TES: variants seen among roughly 807,000 people sequenced by gnomAD.
The protein encoded by TES is testin.
Under a neutral mutation model 48.2 loss-of-function variants are expected in TES, and 41 were observed. That is an observed-to-expected ratio of 0.85 (90% CI 0.66 to 1.10). The LOEUF is 1.10. TES is among the 50% of genes least tolerant of loss of function. TES has a pLI of 0.00. For missense variants in TES, 463 were observed against 515.1 expected, an observed-to-expected ratio of 0.90 and a Z score of 0.98; for synonymous variants, 162 against 174.9, an observed-to-expected ratio of 0.93 and a Z score of 0.58.
intron 2 of TES, among the ~76,000 whole-genome samples, chr7:116,243,458 A>G (rs1449358239): frequency 2.6e-5 from 4 of 152,112 alleles, no homozygotes; most frequent in Non-Finnish European, 4.4e-5. Flanking sequence ...ATTTTTGCCA[A>G]CAGGCACAGA....
In TES at chr7:116,210,605, G is replaced by A. The variant is rs990506589; in HGVS notation, c.-103G>A. On this transcript the variant is annotated 5_prime_UTR_variant, in exon 1 of 7. Transcript: ENST00000358204. The stretch of plus-strand genomic sequence containing the variant: ...GAGTGGCTGTTGAGCGGCGCCGCGG[G>A]AGTTCCGCAGGTTTCCCGTGTTCGC... 154 of 1,202,042 alleles carry A rather than the reference G, an allele frequency of 1.3e-4. No individual in the cohort carries two copies. Among genetic ancestry groups the A allele is most frequent in the Non-Finnish European group, 1.6e-4 (147 of 938,876 alleles). 74.5% of individuals were successfully genotyped at this position (1,202,042 alleles called of 1,614,324 possible). A position where few individuals can be genotyped will look rare whatever the true frequency, so the allele number is the denominator to read the frequency against.
At position 116,252,020 on chromosome 7, in the gene TES, C is replaced by G. The variant is rs747881706; in HGVS notation, c.918+45C>G. The G allele has an allele frequency of 5.1e-6, 8 of 1,572,162 alleles. 1 individual carries two copies. In the East Asian group the frequency reaches 9.0e-5, roughly 18 times the overall value. ...CGGCATGCTGGTGCCCTCTTAGACC[C>G]TCATATGGTCCCTTTACCTAGAAGG... On this transcript the variant is annotated intron_variant, in intron 5 of 6. Coordinates refer to ENST00000358204, the MANE Select transcript of TES (RefSeq NM_015641.4).
At chr7:116,237,732 A>G (rs1799790850) in intron 2 of TES, among the ~76,000 whole-genome samples, 1 of 152,186 alleles carries the variant, frequency 6.6e-6, no homozygotes, top group Admixed American at 6.5e-5. Context: ...GAGGCTGGAA[A>G]GTTCGAGATC....
intron 6 of TES, 104 bp downstream of exon 6, chr7:116,252,580 T>A: frequency 1.3e-6 from 2 of 1,556,966 alleles, no homozygotes; most frequent in East Asian, 2.2e-5. Flanking sequence ...GCAGTCCTCC[T>A]AAGTAGAAAG....
chr7:116,251,771 C>T lies in TES; in HGVS notation c.714C>T (p.Cys238=), dbSNP rs769260691. Residue 238 remains cysteine (C), a synonymous_variant, in exon 5 of 7, where the codon TGC becomes TGT. Coordinates refer to ENST00000358204, the MANE Select transcript of TES (RefSeq NM_015641.4). ...EHKRTQYSCY[C]CKLSMKEGDP... is the part of the protein sequence containing the mutation. Reference sequence around the variant, plus strand: ...GGCTTCCCTTTCAGTCCTGCTATTGCTGCAAACTGAGTATGAAAGAAGGTG... The same window carrying T: ...GGCTTCCCTTTCAGTCCTGCTATTGTTGCAAACTGAGTATGAAAGAAGGTG... The T allele has an allele frequency of 3.7e-6, 6 of 1,614,030 alleles. No individual in the cohort carries two copies. The South Asian group carries it at 6.6e-5, about 18-fold the overall frequency.
intron 6 of TES, among the ~76,000 whole-genome samples, chr7:116,255,418 G>A (rs1235161697): frequency 6.6e-6 from 1 of 152,200 alleles, no homozygotes; most frequent in Non-Finnish European, 1.5e-5. Context: ...TGAGGAATTA[G>A]GGAACAGTAG....
intron 1 of TES, among the ~76,000 whole-genome samples, chr7:116,227,093 TTTATTTA>T (rs1799631127): frequency 2.6e-4 from 1 of 3,858 alleles, no homozygotes; most frequent in African/African-American, 8.0e-4. Context: ...TTTTATTTTA[TTTATTTA>T]TTTATTTATT....
intron 1 of TES, among the ~76,000 whole-genome samples, chr7:116,232,820 A>T (rs139416583): frequency 1.3e-5 from 2 of 152,346 alleles, no homozygotes; most frequent in African/African-American, 4.8e-5. Flanking sequence ...AAAGATGATA[A>T]AGCTTAGCTA....
chr7:116,213,849 T>C (rs988022331), intron 1 of TES, among the ~76,000 whole-genome samples: 4 of 151,880 alleles, frequency 2.6e-5, no homozygotes, highest in African/African-American at 9.7e-5. Flanking sequence ...GTATGGTCCA[T>C]GTCTGCTTGG....
intron 1 of TES, among the ~76,000 whole-genome samples, chr7:116,214,496 G>A (rs1434839049): frequency 6.6e-6 from 1 of 152,128 alleles, no homozygotes; most frequent in African/African-American, 2.4e-5. Flanking sequence ...CACATCCAGG[G>A]CTTTGCTTTA....
intron 1 of TES, among the ~76,000 whole-genome samples, chr7:116,232,289 CATGT>C (rs1799709932): frequency 6.6e-6 from 1 of 152,162 alleles, no homozygotes; most frequent in African/African-American, 2.4e-5. Context: ...TTTATACACA[CATGT>C]AAGTTTGTAT....
At chr7:116,228,359 A>G (rs766957942) in intron 1 of TES, among the ~76,000 whole-genome samples, 7 of 152,176 alleles carry the variant, frequency 4.6e-5, no homozygotes, top group Non-Finnish European at 7.3e-5. Context: ...AATATAGTCA[A>G]TCCAAAGGAC....
intron 2 of TES, among the ~76,000 whole-genome samples, chr7:116,247,282 C>G (rs535007915): frequency 2.0e-5 from 3 of 152,096 alleles, no homozygotes; most frequent in Admixed American, 6.6e-5. Context: ...TTCCCTGTCT[C>G]TCACTAAAAA....
intron 1 of TES, among the ~76,000 whole-genome samples, chr7:116,222,380 T>C (rs570406120): frequency 6.6e-6 from 1 of 152,312 alleles, no homozygotes; most frequent in East Asian, 1.9e-4. Context: ...CCTCCTTCAG[T>C]GAAGCCCTCA....
chr7:116,245,363 G>A (rs1297458327), intron 2 of TES, among the ~76,000 whole-genome samples: 1 of 152,020 alleles, frequency 6.6e-6, no homozygotes, highest in Non-Finnish European at 1.5e-5. Flanking sequence ...CTAGGGCAGG[G>A]GCAAAATGCC....
chr7:116,256,122 T>C (rs879882622), intron 6 of TES, among the ~76,000 whole-genome samples: 2 of 152,194 alleles, frequency 1.3e-5, no homozygotes, highest in Admixed American at 1.3e-4. Context: ...ACCTAACTTA[T>C]AGATTACAGA....
chr7:116,241,051 G>A (rs1242824445), intron 2 of TES, among the ~76,000 whole-genome samples: 1 of 152,142 alleles, frequency 6.6e-6, no homozygotes, highest in African/African-American at 2.4e-5. Context: ...TAGAATCTGG[G>A]TTAGTTTAGG....
intron 2 of TES, among the ~76,000 whole-genome samples, chr7:116,244,490 G>A (rs1302617887): frequency 2.0e-5 from 3 of 152,236 alleles, no homozygotes; most frequent in African/African-American, 4.8e-5. Flanking sequence ...CATCCAGGGT[G>A]TGCTAATGCA....
chr7:116,218,123 T>G (rs1012028809), intron 1 of TES: 2 of 343,438 alleles, frequency 5.8e-6, no homozygotes, highest in Admixed American at 3.8e-5. Flanking sequence ...AGATCTCATC[T>G]GCTGAATGAC....
Sources: gnomAD v4.1 joint callset for allele counts (sites outside exome capture counted in the v4.1 genomes callset) on GRCh38, gnomAD v4.1.1 for gene constraint, MANE v1.5 for transcripts, NCBI Gene and HGNC (gene_info 2026-07-23, HGNC 2026-07-21) for gene names.